Variants in NEMP2 observed in about 807,000 individuals in gnomAD.
NEMP2 encodes the protein UPF0571 transmembrane protein.
NEMP2 carries 53 observed loss-of-function variants against 54.2 expected under a neutral mutation model. The observed-to-expected ratio is 0.98, with a 90% CI of 0.78 to 1.23. The LOEUF is 1.23. Ranked by LOEUF, NEMP2 falls within the 50% of genes most tolerant of loss-of-function variation. The probability of loss-of-function intolerance (pLI) is 0.00; values close to 1 mark genes in which losing one functional copy is unlikely to be tolerated. For synonymous variants in NEMP2, 197 were observed against 190.3 expected (o/e 1.04, Z -0.29); for missense variants, 455 against 511.3 (o/e 0.89, Z 1.06).
the NEMP2 span, among the ~76,000 whole-genome samples, chr2:190,543,686 G>A: frequency 6.6e-6 from 1 of 152,104 alleles, no homozygotes; most frequent in Non-Finnish European, 1.5e-5. The surrounding 1 kb of genome is among the most constrained non-coding windows in gnomAD (Gnocchi z 4.7). Context: ...TAATGTTAGG[G>A]GCTGTATATT....
At chr2:190,495,581 T>G in the NEMP2 span, among the ~76,000 whole-genome samples, 1 of 152,166 alleles carries the variant, frequency 6.6e-6, no homozygotes, top group South Asian at 2.1e-4. This position sits in a 1 kb window ranked among gnomAD's most constrained non-coding sequence, Gnocchi z 4.7. Flanking sequence ...GGCATCACAC[T>G]ACCTGATTTC....
the NEMP2 span, among the ~76,000 whole-genome samples, chr2:190,553,848 A>ATGCCT: frequency 6.6e-6 from 1 of 152,244 alleles, no homozygotes; most frequent in African/African-American, 2.4e-5. Flanking sequence ...TTACCTTAAA[A>ATGCCT]TTCATGCTGA....
chr2:190,476,469 G>C, the NEMP2 span, among the ~76,000 whole-genome samples: 34,342 of 152,048 alleles, frequency 0.23, 4,975 homozygotes, highest in South Asian at 0.34. Context: ...ATCATCACTG[G>C]CCATCAGAGA....
chr2:190,441,359 T>C, the NEMP2 span, among the ~76,000 whole-genome samples: 1 of 151,738 alleles, frequency 6.6e-6, no homozygotes, highest in Admixed American at 6.6e-5. Context: ...TTTCTAGGGG[T>C]GTACCGAGGC....
rs534900987 is a variant in NEMP2 at position 190,504,543 on chromosome 2, G to GAA, written c.*4644_*4645dup. The GAA allele has an allele frequency of 1.9e-3, 283 of 152,154 alleles. 1 individual carries two copies. The highest frequency in any genetic ancestry group is 6.3e-3 in the African/African-American group (260 of 41,518). The allele number at this position is 152,154 out of a possible 1,614,324, so 9.4% of individuals were successfully genotyped here. ...AGCAAAACTTAAGTTGAAGAGGATG[G>GAA]AAAAAAGTGATGATGGTGACAATTC... On this transcript the variant is annotated 3_prime_UTR_variant, in exon 9 of 9. Coordinates refer to ENST00000409150, the MANE Select transcript of NEMP2 (RefSeq NM_001142645.2). The surrounding 1 kb of genome is among the most constrained non-coding windows in gnomAD (Gnocchi z 5.6).
chr2:190,537,212 G>C (rs1691405204), upstream of NEMP2, among the ~76,000 whole-genome samples: 1 of 152,218 alleles, frequency 6.6e-6, no homozygotes, highest in African/African-American at 2.4e-5. Context: ...TATCAGAAAT[G>C]AAGAATTCTT....
the NEMP2 span, among the ~76,000 whole-genome samples, chr2:190,455,509 C>T: frequency 1.3e-5 from 2 of 152,150 alleles, no homozygotes; most frequent in African/African-American, 4.8e-5. Flanking sequence ...CTTGCTTCTG[C>T]AGTTTGTTGA....
At chr2:190,638,109 T>C in the NEMP2 span, among the ~76,000 whole-genome samples, 1 of 152,164 alleles carries the variant, frequency 6.6e-6, no homozygotes, top group African/African-American at 2.4e-5. The surrounding 1 kb of genome is among the most constrained non-coding windows in gnomAD (Gnocchi z 5.7). Flanking sequence ...TGCCAGAGCC[T>C]ACAGAGCAAG....
chr2:190,429,309 G>A, the NEMP2 span, among the ~76,000 whole-genome samples: 1 of 151,330 alleles, frequency 6.6e-6, no homozygotes. Flanking sequence ...AATCTTTAAT[G>A]GTAGCTTATG....
chr2:190,515,492 T>A (rs534657544), intron 6 of NEMP2, among the ~76,000 whole-genome samples: 1 of 152,172 alleles, frequency 6.6e-6, no homozygotes, highest in African/African-American at 2.4e-5. Flanking sequence ...GGGTAATAGA[T>A]GATTTTATGT....
chr2:190,444,847 C>G, the NEMP2 span: 1 of 813,118 alleles, frequency 1.2e-6, no homozygotes, highest in Non-Finnish European at 1.5e-6. Context: ...GTTTTGTGCC[C>G]TATTTTAAAT....
chr2:190,428,687 T>A, the NEMP2 span, among the ~76,000 whole-genome samples: 1 of 151,952 alleles, frequency 6.6e-6, no homozygotes, highest in African/African-American at 2.4e-5. Context: ...ATTTATTTAT[T>A]TATTGAGACA....
At chr2:190,421,493 A>G in the NEMP2 span, among the ~76,000 whole-genome samples, 1 of 2,140 alleles carries the variant, frequency 4.7e-4, no homozygotes, top group Non-Finnish European at 3.1e-3. Flanking sequence ...CATGTTTACA[A>G]GGTTACAAAC....
the NEMP2 span, among the ~76,000 whole-genome samples, chr2:190,431,087 C>T: frequency 0.12 from 17,523 of 142,930 alleles, 1,344 homozygotes; most frequent in East Asian, 0.29. This position sits in a 1 kb window ranked among gnomAD's most constrained non-coding sequence, Gnocchi z 4.4. Context: ...CGGGCAGAGG[C>T]GCTCCTCACA....
rs1323203595 is a variant in NEMP2, at chr2:190,531,377, A to G, written c.97+3182T>C. On this transcript the variant is annotated intron_variant, in intron 1 of 8. Coordinates refer to ENST00000409150, the MANE Select transcript of NEMP2 (RefSeq NM_001142645.2). The surrounding 1 kb of genome is among the most constrained non-coding windows in gnomAD (Gnocchi z 4.7). Reference sequence around the variant, plus strand: ...ATCTGTGGGATCAACCCTGAATGCCATCCTTACTATGGAAAGACAGGTTTC... The same window carrying G: ...ATCTGTGGGATCAACCCTGAATGCCGTCCTTACTATGGAAAGACAGGTTTC... Among the ~76,000 whole-genome samples, 1 of 152,332 alleles carries G rather than the reference A, an allele frequency of 6.6e-6. No homozygotes were observed. Among genetic ancestry groups the G allele is most frequent in the Non-Finnish European group, 1.5e-5 (1 of 68,030 alleles).
At chr2:190,582,986 A>AT in the NEMP2 span, among the ~76,000 whole-genome samples, 1 of 152,204 alleles carries the variant, frequency 6.6e-6, no homozygotes, top group Non-Finnish European at 1.5e-5. This position sits in a 1 kb window ranked among gnomAD's most constrained non-coding sequence, Gnocchi z 4.6. Flanking sequence ...CCAAGTTCTC[A>AT]TATAACTAAG....
the NEMP2 span, among the ~76,000 whole-genome samples, chr2:190,483,258 T>C: frequency 6.6e-6 from 1 of 152,126 alleles, no homozygotes; most frequent in Non-Finnish European, 1.5e-5. Context: ...TCTCTCAAAG[T>C]AGATAGTTAC....
the NEMP2 span, among the ~76,000 whole-genome samples, chr2:190,422,727 C>T: frequency 2.0e-5 from 3 of 152,150 alleles, no homozygotes; most frequent in Non-Finnish European, 4.4e-5. Context: ...TCATTTCACT[C>T]AGACAACTCT....
the NEMP2 span, among the ~76,000 whole-genome samples, chr2:190,426,953 C>G: frequency 1.3e-5 from 2 of 152,216 alleles, no homozygotes; most frequent in Non-Finnish European, 2.9e-5. This position sits in a 1 kb window ranked among gnomAD's most constrained non-coding sequence, Gnocchi z 4.7. Context: ...CACTCAGCCT[C>G]TTTGGATACC....
Sources: allele counts gnomAD v4.1 joint callset (sites outside exome capture counted in the v4.1 genomes callset), GRCh38; gene constraint gnomAD v4.1.1; non-coding constraint Gnocchi (gnomAD v3.1); transcripts MANE v1.5; gene names NCBI Gene and HGNC (gene_info 2026-07-23, HGNC 2026-07-21).